PKP2: variants seen among roughly 807,000 people sequenced by gnomAD.
The protein encoded by PKP2 is plakophilin-2.
In PKP2, 73 loss-of-function variants were observed where a neutral mutation model predicts 83.4. The observed-to-expected ratio is 0.88, with a 90% CI of 0.72 to 1.06. The LOEUF is 1.06. Ranked by LOEUF, PKP2 falls within the 50% of genes least tolerant of loss-of-function variation. The pLI, the probability that PKP2 is intolerant of heterozygous loss-of-function variation, is 0.00. For synonymous variants in PKP2, 409 were observed against 430.4 expected (o/e 0.95, Z 0.62); for missense variants, 966 against 1,065.4 (o/e 0.91, Z 1.30).
rs139851304 is a variant in PKP2 at position 32,877,868 on chromosome 12, T to C, written c.1012A>G (p.Thr338Ala). ...GSGNLLTERSTFTDSQLGNAD... is the reference protein window; with the variant it reads ...GSGNLLTERSAFTDSQLGNAD... ...TACCCCAGCTGGGAGTCAGTGAAAG[T>C]GCTTCTCTCAGTGAGCAGATTCCCA... Residue 338 changes from threonine to alanine, a missense_variant, in exon 3 of 13, where the codon ACT becomes GCT. Physicochemically the swap from Thr to Ala is moderately conservative, Grantham distance 58. Coordinates refer to ENST00000340811, the MANE Select transcript of PKP2 (RefSeq NM_001005242.3). The C allele has an allele frequency of 1.3e-3, 2,143 of 1,613,784 alleles. 26 individuals are homozygous for C. The Middle Eastern group carries it at 0.019, about 15-fold the overall frequency.
chr12:32,819,253 G>A (rs1362888003), intron 9 of PKP2, among the ~76,000 whole-genome samples: 1 of 151,126 alleles, frequency 6.6e-6, no homozygotes, highest in Non-Finnish European at 1.5e-5. Flanking sequence ...ATTCCAGCCT[G>A]GGCAACAGAG....
chr12:32,877,914 G>T lies in PKP2; in HGVS notation c.966C>A (p.Gly322=), dbSNP rs1956946500. The stretch of plus-strand genomic sequence containing the variant: ...TCCCACTTCCCCCTGCGGCCGCCTG[G>T]CCGACAGTCAAGTGCGCTCTCCTCC... ...SSGRRAHLTV[G]QAAAGGSGNL... Residue 322 remains glycine, a synonymous_variant, in exon 3 of 13, where the codon GGC becomes GGA. Coordinates refer to ENST00000340811, the MANE Select transcript of PKP2 (RefSeq NM_001005242.3). 6.2e-7 allele frequency: 1 copy of T among 1,614,026 alleles called. No individual in the cohort carries two copies. Among genetic ancestry groups the T allele is most frequent in the Non-Finnish European group, 8.5e-7 (1 of 1,180,004 alleles).
chr12:32,814,856 C>T (rs910181533), intron 9 of PKP2, among the ~76,000 whole-genome samples: 7 of 151,772 alleles, frequency 4.6e-5, no homozygotes, highest in Admixed American at 2.6e-4. Context: ...ACCCAGGAGG[C>T]GGAGGTTGCA....
chr12:32,835,893 C>T (rs1391763470), intron 6 of PKP2, among the ~76,000 whole-genome samples: 1 of 152,178 alleles, frequency 6.6e-6, no homozygotes, highest in Non-Finnish European at 1.5e-5. Context: ...AATCCTCCTG[C>T]CTCAGCCTCC....
chr12:32,807,507 G>A (rs796834260), intron 9 of PKP2, among the ~76,000 whole-genome samples: 68 of 152,222 alleles, frequency 4.5e-4, no homozygotes, highest in African/African-American at 1.6e-3. Flanking sequence ...TCTTTCAATT[G>A]GTGCATTTAG....
chr12:32,857,832 T>C lies in PKP2; in HGVS notation c.1171-6859A>G, dbSNP rs527868525. On this transcript the variant is annotated intron_variant, in intron 4 of 12. Transcript: ENST00000340811. ...GATATTTTTAATCAAATTAGTAATTTAAGAGATAGTAGAAATCTAGCCCAA... is the reference window on the plus strand; with the variant it reads ...GATATTTTTAATCAAATTAGTAATTCAAGAGATAGTAGAAATCTAGCCCAA... 1.2e-4 allele frequency among the ~76,000 whole-genome samples: 18 copies of C among 151,734 alleles called. No individual in the cohort carries two copies. The South Asian group carries it at 3.7e-3, about 32-fold the overall frequency.
intron 9 of PKP2, among the ~76,000 whole-genome samples, 165 bp from the exon 10 acceptor site, chr12:32,802,721 T>G (rs1956194168): frequency 6.6e-6 from 1 of 152,156 alleles, no homozygotes; most frequent in Non-Finnish European, 1.5e-5. Flanking sequence ...TGCAGTGGTG[T>G]GATCTCAGCT....
chr12:32,824,059 G>A lies in PKP2; in HGVS notation c.1660C>T (p.Gln554Ter). 1.3e-6 allele frequency: 2 copies of A among 1,579,370 alleles called. No individual in the cohort carries two copies. Among genetic ancestry groups the A allele is most frequent in the East Asian group, 2.2e-5 (1 of 44,726 alleles). ...TCTTGAATTACCTTGTCATCTGGCTGGTAATCTGCAATGGTTCCTCTGACA... is the reference window on the plus strand; with the variant it reads ...TCTTGAATTACCTTGTCATCTGGCTAGTAATCTGCAATGGTTCCTCTGACA... ...HYVRGTIADY[Q>*]PDDKATENCV... Residue 554 changes from glutamine to a stop codon, truncating the protein, a stop_gained, in exon 7 of 13, where the codon CAG (glutamine) becomes TAG (stop). Coordinates refer to ENST00000340811, the MANE Select transcript of PKP2 (RefSeq NM_001005242.3). LOFTEE classifies it high-confidence loss of function.
intron 3 of PKP2, among the ~76,000 whole-genome samples, chr12:32,875,642 C>T (rs1956924624): frequency 2.6e-5 from 4 of 152,094 alleles, no homozygotes; most frequent in Admixed American, 2.6e-4. Flanking sequence ...TGAGCAAGAC[C>T]AGAGGCAGAG....
chr12:32,884,465 T>A (rs1957012753), intron 1 of PKP2, among the ~76,000 whole-genome samples: 3 of 152,002 alleles, frequency 2.0e-5, no homozygotes, highest in African/African-American at 4.8e-5. Flanking sequence ...AGAAAAAAAA[T>A]AAATATACAG....
At chr12:32,846,270 C>G (rs990624222) in intron 5 of PKP2, among the ~76,000 whole-genome samples, 3 of 152,096 alleles carry the variant, frequency 2.0e-5, no homozygotes, top group Non-Finnish European at 4.4e-5. Context: ...ATGTGCCGTT[C>G]TCATTTCAAT....
At chr12:32,866,916 C>T (rs1191139000) in intron 4 of PKP2, among the ~76,000 whole-genome samples, 2 of 152,126 alleles carry the variant, frequency 1.3e-5, no homozygotes, top group African/African-American at 2.4e-5. Flanking sequence ...CTGATTAACA[C>T]GAAATGGGTG....
chr12:32,841,160 A>T lies in PKP2; in HGVS notation c.1424T>A (p.Met475Lys). The T allele has an allele frequency of 1.2e-6, 2 of 1,613,758 alleles. No homozygotes were observed. The highest frequency in any genetic ancestry group is 1.7e-6 in the Non-Finnish European group (2 of 1,179,656). ...CAGCGTAAGCAATGCTTCTGTTATCATGAGATTCTTGAGTTTGTCATTAGA... is the reference window on the plus strand; with the variant it reads ...CAGCGTAAGCAATGCTTCTGTTATCTTGAGATTCTTGAGTTTGTCATTAGA... ...LSSNDKLKNLMITEALLTLTE... is the reference protein window; with the variant it reads ...LSSNDKLKNLKITEALLTLTE... Residue 475 changes from methionine to lysine, a missense_variant, in exon 6 of 13, where the codon ATG becomes AAG. Coordinates refer to ENST00000340811, the MANE Select transcript of PKP2 (RefSeq NM_001005242.3).
intron 3 of PKP2, among the ~76,000 whole-genome samples, chr12:32,869,639 T>C (rs1031420117): frequency 7.7e-5 from 11 of 142,046 alleles, no homozygotes; most frequent in Non-Finnish European, 3.0e-5. Flanking sequence ...ATATGTATCC[T>C]ATGATTCTTA....
At chr12:32,804,516 T>C (rs1181994096) in intron 9 of PKP2, among the ~76,000 whole-genome samples, 1 of 152,186 alleles carries the variant, frequency 6.6e-6, no homozygotes, top group Non-Finnish European at 1.5e-5. Flanking sequence ...GTGTTCCCAT[T>C]GTTCAGCTCC....
At position 32,834,202 on chromosome 12, in the gene PKP2, C is replaced by T. The variant is rs139487657; in HGVS notation, c.1556+6826G>A. 5.2e-4 allele frequency among the ~76,000 whole-genome samples: 79 copies of T among 152,272 alleles called. 2 individuals carry two copies. Among genetic ancestry groups the T allele is most frequent in the African/African-American group, 1.9e-3 (77 of 41,548 alleles). On this transcript the variant is annotated intron_variant, in intron 6 of 12. Coordinates refer to ENST00000340811, the MANE Select transcript of PKP2 (RefSeq NM_001005242.3). ...GATCTCTTCAGGTGCCAGTTTCCTCCACGAAACCCAGAGTTCCTCCAGGGC... is the reference window on the plus strand; with the variant it reads ...GATCTCTTCAGGTGCCAGTTTCCTCTACGAAACCCAGAGTTCCTCCAGGGC...
intron 3 of PKP2, among the ~76,000 whole-genome samples, chr12:32,874,436 G>C (rs956634412): frequency 6.6e-6 from 1 of 152,072 alleles, no homozygotes; most frequent in Admixed American, 6.6e-5. Flanking sequence ...TTTTCACAGA[G>C]AGCCAAATTT....
intron 3 of PKP2, among the ~76,000 whole-genome samples, chr12:32,877,165 C>G (rs1367969712): frequency 2.0e-5 from 3 of 152,170 alleles, no homozygotes; most frequent in Non-Finnish European, 4.4e-5. Context: ...CTCAATCTTT[C>G]TCTTAGTAAC....
intron 9 of PKP2, among the ~76,000 whole-genome samples, chr12:32,819,831 T>C (rs1592736420): frequency 6.6e-6 from 1 of 151,784 alleles, no homozygotes; most frequent in South Asian, 2.1e-4. Flanking sequence ...TTAGCTTATA[T>C]TGAACTAGAC....
Sources: allele counts gnomAD v4.1 joint callset (sites outside exome capture counted in the v4.1 genomes callset), GRCh38; gene constraint gnomAD v4.1.1; transcripts MANE v1.5; gene names NCBI Gene and HGNC (gene_info 2026-07-23, HGNC 2026-07-21).